PLCH1: variants seen among roughly 807,000 people sequenced by gnomAD.
PLCH1 encodes phospholipase C eta 1, also known as 1-phosphatidylinositol 4,5-bisphosphate phosphodiesterase eta-1.
Under a neutral mutation model 126.7 loss-of-function variants are expected in PLCH1, and 60 were observed. The ratio of observed to expected loss-of-function variants is 0.47; its 90% confidence interval spans 0.38 to 0.59. The LOEUF is 0.59. Among genes scored for constraint, PLCH1 ranks in the 20% least tolerant of loss-of-function variants. The pLI is 0.00. For missense variants in PLCH1, 1,723 were observed against 2,040.0 expected, an observed-to-expected ratio of 0.84 and a Z score of 2.99; for synonymous variants, 719 against 734.9, an observed-to-expected ratio of 0.98 and a Z score of 0.35.
At chr3:155,469,426 C>T (rs891540306) in intron 21 of PLCH1, among the ~76,000 whole-genome samples, 9 of 151,808 alleles carry the variant, frequency 5.9e-5, no homozygotes, top group African/African-American at 9.7e-5. Context: ...GAGGGTCCTA[C>T]GCCCATGGAG....
chr3:155,612,764 C>T (rs900768676), intron 2 of PLCH1, among the ~76,000 whole-genome samples: 3 of 151,672 alleles, frequency 2.0e-5, no homozygotes, highest in East Asian at 1.9e-4. Context: ...CAAAATTAGC[C>T]GGGCGTGGTG....
intron 14 of PLCH1, among the ~76,000 whole-genome samples, chr3:155,498,573 C>T (rs961070722): frequency 6.6e-6 from 1 of 152,004 alleles, no homozygotes; most frequent in Non-Finnish European, 1.5e-5. Context: ...GGGAGGAGAC[C>T]AGGGCTAAAA....
Position 155,743,763 on chromosome 3 carries a change from C to T in PLCH1, c.-41+1077G>A, listed in dbSNP as rs974948221. The T allele has an allele frequency of 1.2e-5, 4 of 326,750 alleles. 1 individual carries two copies. Among genetic ancestry groups the T allele is most frequent in the Non-Finnish European group, 2.4e-5 (4 of 169,640 alleles). 20.2% of individuals were successfully genotyped at this position (326,750 alleles called of 1,614,324 possible). ...GTCATAAACATGCCAATAAACAGGACATGGGTGCTGCTGGGTTGTACAAGC... is the reference window on the plus strand; with the variant it reads ...GTCATAAACATGCCAATAAACAGGATATGGGTGCTGCTGGGTTGTACAAGC... On this transcript the variant is annotated intron_variant, in intron 1 of 22. Coordinates refer to ENST00000460012, the MANE Select transcript of PLCH1 (RefSeq NM_014996.4).
At chr3:155,601,093 G>A (rs187771936) in intron 2 of PLCH1, among the ~76,000 whole-genome samples, 107 of 152,192 alleles carry the variant, frequency 7.0e-4, no homozygotes, top group African/African-American at 2.5e-3. Flanking sequence ...TCCTGCCTCA[G>A]CCTCCCGAGT....
chr3:155,688,459 G>T (rs1279898207), intron 2 of PLCH1, among the ~76,000 whole-genome samples: 1 of 152,184 alleles, frequency 6.6e-6, no homozygotes, highest in Non-Finnish European at 1.5e-5. Context: ...CAGAACAGAA[G>T]CCTACACCAT....
At chr3:155,563,899 A>G (rs1202346562) in intron 8 of PLCH1, among the ~76,000 whole-genome samples, 1 of 151,910 alleles carries the variant, frequency 6.6e-6, no homozygotes, top group East Asian at 1.9e-4. Flanking sequence ...TTGTATATCA[A>G]CCAACCGGTG....
At chr3:155,616,300 A>C (rs926862472) in intron 2 of PLCH1, among the ~76,000 whole-genome samples, 4 of 152,250 alleles carry the variant, frequency 2.6e-5, no homozygotes, top group African/African-American at 7.2e-5. Flanking sequence ...AAAGAATAAA[A>C]CTGAAAGTTT....
At chr3:155,716,378 G>T (rs1429183699) in intron 1 of PLCH1, among the ~76,000 whole-genome samples, 1 of 152,200 alleles carries the variant, frequency 6.6e-6, no homozygotes, top group East Asian at 1.9e-4. Context: ...TTCAAATCTT[G>T]TGTGTTAGGC....
At chr3:155,696,419 A>G (rs915922232) in intron 2 of PLCH1, among the ~76,000 whole-genome samples, 2 of 152,212 alleles carry the variant, frequency 1.3e-5, no homozygotes, top group Admixed American at 1.3e-4. Context: ...GATCTTTTGC[A>G]TAACTAAATT....
At chr3:155,473,978 A>G (rs2107985979) in intron 21 of PLCH1, among the ~76,000 whole-genome samples, 1 of 151,172 alleles carries the variant, frequency 6.6e-6, no homozygotes, top group South Asian at 2.1e-4. Flanking sequence ...AAACCCTAGA[A>G]GAAAACCTAG....
chr3:155,661,533 C>A (rs1742145703), intron 2 of PLCH1, among the ~76,000 whole-genome samples: 1 of 152,168 alleles, frequency 6.6e-6, no homozygotes, highest in African/African-American at 2.4e-5. Context: ...TCAGTGCCTT[C>A]ATTTCCTTCT....
chr3:155,653,272 A>G (rs1014607982), intron 2 of PLCH1, among the ~76,000 whole-genome samples: 4 of 152,092 alleles, frequency 2.6e-5, no homozygotes, highest in Non-Finnish European at 1.5e-5. Flanking sequence ...TCCAGCCTTG[A>G]CCTCCCATGG....
intron 21 of PLCH1, among the ~76,000 whole-genome samples, chr3:155,467,398 A>T (rs1712972063): frequency 6.6e-6 from 1 of 152,010 alleles, no homozygotes; most frequent in Non-Finnish European, 1.5e-5. Flanking sequence ...ACATGGTGAA[A>T]CCCCATCTCT....
At chr3:155,477,238 A>T (rs1330170387), downstream of PLCH1, among the ~76,000 whole-genome samples, 1 of 152,192 alleles carries the variant, frequency 6.6e-6, no homozygotes, top group Non-Finnish European at 1.5e-5. Context: ...CTCGCCATAT[A>T]CAAAAATCAA....
At chr3:155,478,471 G>A (rs1398653077), downstream of PLCH1, among the ~76,000 whole-genome samples, 1 of 152,062 alleles carries the variant, frequency 6.6e-6, no homozygotes, top group Admixed American at 6.6e-5. Flanking sequence ...TCTCCATGAT[G>A]TGCTTATTTC....
At chr3:155,550,030 G>A (rs1161751854) in intron 9 of PLCH1, 72 bp from the exon 10 acceptor site, 1 of 1,065,732 alleles carries the variant, frequency 9.4e-7, no homozygotes, top group Non-Finnish European at 1.4e-6. Flanking sequence ...AAATGATTCA[G>A]TATTCACTGT....
intron 10 of PLCH1, among the ~76,000 whole-genome samples, chr3:155,537,201 CCAAAAAAA>C (rs1723506454): frequency 1.1e-4 from 15 of 132,100 alleles, no homozygotes; most frequent in African/African-American, 3.9e-4. Context: ...AAAAAAAAAA[CCAAAAAAA>C]AAAAAAAAAA....
chr3:155,513,137 C>T (rs921700931), intron 12 of PLCH1, among the ~76,000 whole-genome samples: 1 of 152,226 alleles, frequency 6.6e-6, no homozygotes. Context: ...GAGCCATACT[C>T]AGCACATTCT....
chr3:155,719,689 T>TA (rs200614974), intron 1 of PLCH1, among the ~76,000 whole-genome samples: 120 of 142,876 alleles, frequency 8.4e-4, no homozygotes, highest in Middle Eastern at 3.6e-3. Flanking sequence ...TTTGTTTTAG[T>TA]AAAAAAAAAA....
Sources: allele counts gnomAD v4.1 joint callset (sites outside exome capture counted in the v4.1 genomes callset), GRCh38; gene constraint gnomAD v4.1.1; transcripts MANE v1.5; gene names NCBI Gene and HGNC (gene_info 2026-07-23, HGNC 2026-07-21).